The following TP53BP2 variants were observed in gnomAD, a reference collection of about 807,000 sequenced individuals.
TP53BP2 encodes the protein apoptosis-stimulating of p53 protein 2.
TP53BP2 carries 62 observed loss-of-function variants against 126.2 expected under a neutral mutation model. That is an observed-to-expected ratio of 0.49 (90% CI 0.40 to 0.61). The LOEUF (loss-of-function observed/expected upper bound fraction) is 0.61. TP53BP2 is among the 20% of genes least tolerant of loss of function. The pLI is 0.00. For missense variants in TP53BP2, 1,215 were observed against 1,402.8 expected (o/e 0.87, Z 2.14); for synonymous variants, 485 against 502.9 (o/e 0.96, Z 0.48).
At chr1:223,820,360 G>A (rs369623333) in intron 2 of TP53BP2, among the ~76,000 whole-genome samples, 2 of 152,338 alleles carry the variant, frequency 1.3e-5, no homozygotes, top group South Asian at 2.1e-4. Flanking sequence ...TTTTAAGCAG[G>A]AAAGTGAAAT....
rs770252106 is a variant in TP53BP2, at chr1:223,821,265, G to T, written c.130C>A (p.Pro44Thr). Residue 44 changes from proline to threonine, a missense_variant, in exon 2 of 18, where the codon CCC (proline) becomes ACC (threonine). Pro to Thr is a conservative substitution (Grantham distance 38, BLOSUM62 -1). Coordinates refer to ENST00000343537, the MANE Select transcript of TP53BP2 (RefSeq NM_001031685.3). ...CRDVVDLCKE[P>T]GESDCHLAEV... is the part of the protein sequence containing the mutation. ...GCCAAATGGCAATCACTCTCGCCGG[G>T]TTCTTTGCACAGATCCACCACGTCT... is the stretch of plus-strand genomic sequence containing the variant. The T allele has an allele frequency of 6.2e-7, 1 of 1,614,026 alleles. No individual in the cohort carries two copies. Among genetic ancestry groups the T allele is most frequent in the Non-Finnish European group, 8.5e-7 (1 of 1,179,890 alleles).
In TP53BP2 at chr1:223,792,508, G is replaced by T; in HGVS notation, c.2877C>A (p.Ser959Arg). ...CCGTGATGCCTTCATCATTGGGGAGGCTTGGGTCATCAACCTATATCAAGA... is the reference window on the plus strand; with the variant it reads ...CCGTGATGCCTTCATCATTGGGGAGTCTTGGGTCATCAACCTATATCAAGA... The part of the protein sequence containing the change: ...QRIIYEVDDP[S>R]LPNDEGITAL... Residue 959 changes from serine (S) to arginine (R), a missense_variant, in exon 15 of 18, where the codon AGC (serine) becomes AGA (arginine). Physicochemically the swap from Ser to Arg is moderately radical, Grantham distance 110 (BLOSUM62 -1). Around this residue, in one of 4 missense-constraint regions of TP53BP2, gnomAD observed 151 missense variants for 231.2 expected, o/e 0.65. Coordinates refer to ENST00000343537, the MANE Select transcript of TP53BP2 (RefSeq NM_001031685.3). 1 of 1,613,942 alleles carries T rather than the reference G, an allele frequency of 6.2e-7. No homozygotes were observed. Among genetic ancestry groups the T allele is most frequent in the Non-Finnish European group, 8.5e-7 (1 of 1,179,918 alleles).
intron 10 of TP53BP2, 44 bp from the exon 11 acceptor site, chr1:223,800,091 A>G: frequency 6.5e-7 from 1 of 1,536,400 alleles, no homozygotes. Flanking sequence ...TGTTTAGAAT[A>G]AAGTATCTCA....
Position 223,798,310 on chromosome 1 carries a change from A to G in TP53BP2, c.1853T>C (p.Met618Thr), listed in dbSNP as rs781575592. 1 of 1,614,156 alleles carries G rather than the reference A, an allele frequency of 6.2e-7. No homozygotes were observed. Among genetic ancestry groups the G allele is most frequent in the Non-Finnish European group, 8.5e-7 (1 of 1,180,032 alleles). The change falls in exon 12 of 18, where the codon ATG (methionine) becomes ACG (threonine). Residue 618 changes from methionine to threonine, a missense_variant. Transcript: ENST00000343537. ...TCCTGGCGCCTGCTGTTGCGTATAC[A>G]TGGAATATATTGAACTTGCTGCCAC... Reference protein sequence around the residue: ...QTVAASSIYSMYTQQQAPGKN... With the variant: ...QTVAASSIYSTYTQQQAPGKN...
chr1:223,796,683 T>C lies in TP53BP2; in HGVS notation c.1949-93A>G. 5 of 1,212,712 alleles carry C rather than the reference T, an allele frequency of 4.1e-6. No homozygotes were observed. The highest frequency in any genetic ancestry group is 5.7e-6 in the Non-Finnish European group (5 of 881,016). 75.1% of individuals were successfully genotyped at this position (1,212,712 alleles called of 1,614,324 possible). On this transcript the variant is annotated intron_variant, in intron 12 of 17. Transcript: ENST00000343537. This position sits in a 1 kb window ranked among gnomAD's most constrained non-coding sequence, Gnocchi z 4.2. ...ACAGCTAACAATAACTAAAGCCTCTTTTAATTTCATAGTTGTTACTACATA... is the reference window on the plus strand; with the variant it reads ...ACAGCTAACAATAACTAAAGCCTCTCTTAATTTCATAGTTGTTACTACATA...
At chr1:223,784,419 T>C in intron 16 of TP53BP2, 105 bp from the exon 17 acceptor site, 1 of 1,036,540 alleles carries the variant, frequency 9.6e-7, no homozygotes, top group South Asian at 1.4e-5. Flanking sequence ...AGGTACAGGC[T>C]GGAATGTTAG....
intron 12 of TP53BP2, among the ~76,000 whole-genome samples, chr1:223,797,390 C>T (rs1662360392): frequency 6.7e-6 from 1 of 149,788 alleles, no homozygotes; most frequent in Admixed American, 6.6e-5. Context: ...ACTTAAAATA[C>T]AGTAGAGAAT....
chr1:223,789,104 C>T lies in TP53BP2; in HGVS notation c.3067G>A (p.Ala1023Thr), dbSNP rs1662067106. 2.5e-6 allele frequency: 4 copies of T among 1,614,022 alleles called. No individual in the cohort carries two copies. The highest frequency in any genetic ancestry group is 2.7e-5 in the African/African-American group (2 of 74,912). ...TCACTGTAGGTCATGGCAAACACAGCGGCTCCTGACTCCACCAAAAACTTA... is the reference window on the plus strand; with the variant it reads ...TCACTGTAGGTCATGGCAAACACAGTGGCTCCTGACTCCACCAAAAACTTA... Reference protein sequence around the residue: ...VCKFLVESGAAVFAMTYSDMQ... With the variant: ...VCKFLVESGATVFAMTYSDMQ... The change falls in exon 16 of 18, where the codon GCT (alanine) becomes ACT (threonine). Residue 1023 changes from alanine to threonine, a missense_variant. Ala to Thr is a moderately conservative substitution (Grantham distance 58, BLOSUM62 0). This residue lies in a region of TP53BP2 where 151 missense variants were observed against 231.2 expected (regional missense o/e 0.65). Coordinates refer to ENST00000343537, the MANE Select transcript of TP53BP2 (RefSeq NM_001031685.3).
chr1:223,809,919 C>T (rs910291308), intron 4 of TP53BP2, among the ~76,000 whole-genome samples: 4 of 151,986 alleles, frequency 2.6e-5, no homozygotes, highest in South Asian at 4.2e-4. Flanking sequence ...CTCTGCCTCC[C>T]GGGTTCAAGA....
intron 4 of TP53BP2, among the ~76,000 whole-genome samples, chr1:223,808,150 G>A (rs1273557448): frequency 6.6e-6 from 1 of 152,178 alleles, no homozygotes; most frequent in African/African-American, 2.4e-5. Context: ...TTAGACAAAG[G>A]TGCAAAAGCA....
intron 16 of TP53BP2, 120 bp downstream of exon 16, chr1:223,788,888 G>T: frequency 2.0e-6 from 2 of 1,014,760 alleles, no homozygotes; most frequent in Non-Finnish European, 2.9e-6. Context: ...TATTTTCAAG[G>T]CCCAAGACTA....
chr1:223,805,645 T>G (rs982566165), intron 5 of TP53BP2, among the ~76,000 whole-genome samples: 2 of 152,186 alleles, frequency 1.3e-5, no homozygotes, highest in Non-Finnish European at 1.5e-5. Context: ...CAAAGCCCTA[T>G]TGGGTAACTT....
intron 16 of TP53BP2, among the ~76,000 whole-genome samples, chr1:223,786,601 T>TGTGTGTGTGC (rs1661968381): frequency 6.7e-6 from 1 of 150,230 alleles, no homozygotes; most frequent in African/African-American, 2.5e-5. Context: ...TGTGTGTGTG[T>TGTGTGTGTGC]GTGTGTATAT....
intron 5 of TP53BP2, among the ~76,000 whole-genome samples, chr1:223,806,389 C>A (rs746167858): frequency 2.0e-5 from 3 of 152,060 alleles, no homozygotes; most frequent in Non-Finnish European, 4.4e-5. Flanking sequence ...TCAAAGAGAG[C>A]ACAAAGAGAG....
intron 13 of TP53BP2, 149 bp downstream of exon 13, chr1:223,795,666 C>A: frequency 1.3e-5 from 8 of 626,058 alleles, no homozygotes; most frequent in Non-Finnish European, 1.9e-5. Flanking sequence ...ATTGAATAAA[C>A]TGCATTATGA....
chr1:223,816,414 T>C (rs1663090401), intron 2 of TP53BP2, among the ~76,000 whole-genome samples: 1 of 152,196 alleles, frequency 6.6e-6, no homozygotes, highest in South Asian at 2.1e-4. Flanking sequence ...GAATTTTTTT[T>C]TTAATAACAC....
intron 15 of TP53BP2, among the ~76,000 whole-genome samples, chr1:223,791,991 G>A (rs183380546): frequency 1.3e-5 from 2 of 152,178 alleles, no homozygotes; most frequent in East Asian, 1.9e-4. Flanking sequence ...AGGATATGTT[G>A]CAAGTTATAA....
Position 223,780,542 on chromosome 1 carries a change from A to T in TP53BP2, c.*311T>A, listed in dbSNP as rs1661733918. The T allele has an allele frequency of 3.8e-6, 1 of 259,962 alleles. No individual in the cohort carries two copies. The highest frequency in any genetic ancestry group is 7.6e-5 in the South Asian group (1 of 13,110). The allele number at this position is 259,962 out of a possible 1,614,324, so 16.1% of individuals were successfully genotyped here. ...GAGCTGATTTCCCAACTGCCCAATA[A>T]ATGATCCTATTTACTAGACAGGATT... On this transcript the variant is annotated 3_prime_UTR_variant, in exon 18 of 18. Transcript: ENST00000343537.
chr1:223,838,071 A>AT (rs569252153), intron 1 of TP53BP2, among the ~76,000 whole-genome samples: 52 of 152,248 alleles, frequency 3.4e-4, no homozygotes, highest in African/African-American at 1.2e-3. Flanking sequence ...CTCAGCTGAA[A>AT]TGTCACTTCC....
Sources: allele counts gnomAD v4.1 joint callset (sites outside exome capture counted in the v4.1 genomes callset), GRCh38; gene constraint gnomAD v4.1.1; regional missense constraint gnomAD v4.1.1; non-coding constraint Gnocchi (gnomAD v3.1); transcripts MANE v1.5; gene names NCBI Gene and HGNC (gene_info 2026-07-23, HGNC 2026-07-21).